GDA: variants seen among roughly 807,000 people sequenced by gnomAD.
The protein encoded by GDA is guanine deaminase.
A neutral mutation model predicts 59.6 loss-of-function variants in GDA; 18 were observed. The ratio of observed to expected loss-of-function variants is 0.30; its 90% CI spans 0.21 to 0.45. GDA has a LOEUF of 0.45. GDA is among the 20% of genes least tolerant of loss of function. GDA has a pLI of 1.00. For missense variants in GDA, 427 were observed against 552.3 expected, an observed-to-expected ratio of 0.77 and a Z score of 2.27; for synonymous variants, 201 against 201.1, an observed-to-expected ratio of 1.00 and a Z score of 0.00.
intron 4 of GDA, among the ~76,000 whole-genome samples, chr9:72,212,992 C>A (rs7034285): frequency 1.3e-5 from 2 of 152,124 alleles, no homozygotes; most frequent in Non-Finnish European, 2.9e-5. Context: ...AACACCCAGC[C>A]AAGCACAGTG....
chr9:72,182,613 A>T (rs903975955), intron 1 of GDA, among the ~76,000 whole-genome samples: 1 of 152,186 alleles, frequency 6.6e-6, no homozygotes, highest in Non-Finnish European at 1.5e-5. Flanking sequence ...CTCTTTGTAA[A>T]ATAAACTTTG....
chr9:72,244,460 T>C (rs900423687), intron 11 of GDA, among the ~76,000 whole-genome samples: 7 of 152,210 alleles, frequency 4.6e-5, no homozygotes, highest in African/African-American at 1.4e-4. Flanking sequence ...GCCTGTGCTC[T>C]ATTTTAGAAG....
At chr9:72,147,702 T>G (rs1169609213), upstream of GDA, among the ~76,000 whole-genome samples, 1 of 152,156 alleles carries the variant, frequency 6.6e-6, no homozygotes, top group African/African-American at 2.4e-5. Flanking sequence ...AAGTAATACA[T>G]CTGTTGGAAA....
chr9:72,213,984 A>C lies in GDA; in HGVS notation c.571A>C (p.Thr191Pro). Residue 191 changes from threonine to proline, a missense_variant, in exon 5 of 14, where the codon ACT (threonine) becomes CCT (proline). Coordinates refer to ENST00000358399, the MANE Select transcript of GDA (RefSeq NM_004293.5). ...KETTEESIKE[T>P]ERFVSEMLQK... Reference sequence around the variant, plus strand: ...GACCACTGAGGAATCGATCAAGGAAACTGAGAGGTAAAAGGCCCATTTGTC... The same window carrying C: ...GACCACTGAGGAATCGATCAAGGAACCTGAGAGGTAAAAGGCCCATTTGTC... 1 of 1,552,578 alleles carries C rather than the reference A, an allele frequency of 6.4e-7. No homozygotes were observed. Among genetic ancestry groups the C allele is most frequent in the Non-Finnish European group, 8.9e-7 (1 of 1,124,034 alleles).
At chr9:72,167,619 G>T (rs1829477478) in intron 1 of GDA, among the ~76,000 whole-genome samples, 1 of 152,094 alleles carries the variant, frequency 6.6e-6, no homozygotes, top group Non-Finnish European at 1.5e-5. Flanking sequence ...TGTGTGATTG[G>T]CATACAGCCT....
chr9:72,249,024 TC>T lies in GDA; in HGVS notation c.*683del, dbSNP rs1372401758. On this transcript the variant is annotated 3_prime_UTR_variant, in exon 14 of 14. Coordinates refer to ENST00000358399, the MANE Select transcript of GDA (RefSeq NM_004293.5). ...TGCTTTCATAATATAGTTTTGTGCT[TC>T]AAAGTGTTTGACAGAAGTTGGGTAT... The T allele has an allele frequency of 1.0e-6, 1 of 985,376 alleles. No homozygotes were observed. Among genetic ancestry groups the T allele is most frequent in the Non-Finnish European group, 1.2e-6 (1 of 829,584 alleles). The allele number at this position is 985,376 out of a possible 1,614,324, so 61.0% of individuals were successfully genotyped here. A position where few individuals can be genotyped will look rare whatever the true frequency, so the allele number is the denominator to read the frequency against.
chr9:72,139,059 C>T (rs1342719041), intron 1 of GDA, among the ~76,000 whole-genome samples: 1 of 152,160 alleles, frequency 6.6e-6, no homozygotes, highest in Non-Finnish European at 1.5e-5. Flanking sequence ...CTAAGAATAT[C>T]TAAAAATATG....
At chr9:72,201,048 A>G (rs762761577) in intron 2 of GDA, among the ~76,000 whole-genome samples, 6 of 152,070 alleles carry the variant, frequency 3.9e-5, no homozygotes, top group Non-Finnish European at 8.8e-5. Flanking sequence ...TGAACATTAC[A>G]TCATCATCAT....
At chr9:72,214,731 TTTC>T (rs1190297929) in intron 5 of GDA, 8 of 339,190 alleles carry the variant, frequency 2.4e-5, no homozygotes, top group East Asian at 2.3e-4. Flanking sequence ...CTTTTTTTTT[TTTC>T]TTTTCTTTTC....
chr9:72,258,800 G>T (rs559875867), downstream of GDA, among the ~76,000 whole-genome samples: 297 of 152,262 alleles, frequency 2.0e-3, 1 homozygote, highest in Middle Eastern at 0.014. Flanking sequence ...TCGGAAGAAA[G>T]AGCCTCACCC....
At chr9:72,214,698 T>C (rs1049421491) in intron 5 of GDA, 26 of 332,250 alleles carry the variant, frequency 7.8e-5, no homozygotes, top group Non-Finnish European at 1.4e-4. Context: ...AAAACCAGGG[T>C]CTATGACTCT....
intron 11 of GDA, among the ~76,000 whole-genome samples, chr9:72,244,804 T>TA (rs1226157639): frequency 6.6e-6 from 1 of 152,098 alleles, no homozygotes; most frequent in African/African-American, 2.4e-5. Context: ...ATAAAGGTAT[T>TA]ATGTTAATCA....
At chr9:72,218,615 G>A (rs1475491553) in intron 5 of GDA, among the ~76,000 whole-genome samples, 1 of 152,168 alleles carries the variant, frequency 6.6e-6, no homozygotes, top group African/African-American at 2.4e-5. Flanking sequence ...AAACTGGTGG[G>A]ATCACTACCA....
At chr9:72,125,105 A>T (rs1367093111) in intron 1 of GDA, among the ~76,000 whole-genome samples, 1 of 152,188 alleles carries the variant, frequency 6.6e-6, no homozygotes, top group Admixed American at 6.5e-5. Context: ...TAAAGACTAC[A>T]TTTACCAGTC....
intron 1 of GDA, among the ~76,000 whole-genome samples, chr9:72,122,029 G>A (rs936578537): frequency 6.6e-6 from 1 of 152,078 alleles, no homozygotes; most frequent in Non-Finnish European, 1.5e-5. Flanking sequence ...CCCCTTATGT[G>A]TTGAGATAGA....
At chr9:72,183,106 G>A (rs1209247710) in intron 1 of GDA, among the ~76,000 whole-genome samples, 2 of 152,150 alleles carry the variant, frequency 1.3e-5, no homozygotes, top group Non-Finnish European at 2.9e-5. Context: ...GTTTTGTGGA[G>A]AATGGTATTT....
chr9:72,230,106 A>G lies in GDA; in HGVS notation c.921-1008A>G, dbSNP rs1342793069. 2.6e-5 allele frequency among the ~76,000 whole-genome samples: 4 copies of G among 152,352 alleles called. No individual in the cohort carries two copies. The East Asian group carries it at 7.7e-4, about 29-fold the overall frequency. On this transcript the variant is annotated intron_variant, in intron 9 of 13. Coordinates refer to ENST00000358399, the MANE Select transcript of GDA (RefSeq NM_004293.5). ...TTATGTATGCACCAGGGCTTTCAAA[A>G]TTAGAGTTATGTGCATCTTCCAGCA...
At chr9:72,140,239 C>T (rs1826391460) in intron 1 of GDA, among the ~76,000 whole-genome samples, 1 of 152,146 alleles carries the variant, frequency 6.6e-6, no homozygotes, top group Admixed American at 6.5e-5. Flanking sequence ...TTTTCTGAAA[C>T]TTTTGGGAAA....
intron 8 of GDA, among the ~76,000 whole-genome samples, chr9:72,227,707 A>G (rs1837771824): frequency 6.6e-6 from 1 of 152,198 alleles, no homozygotes; most frequent in Admixed American, 6.5e-5. Context: ...AACAAAAAGA[A>G]TCTAAGTAAA....
Sources: allele counts gnomAD v4.1 joint callset (sites outside exome capture counted in the v4.1 genomes callset), GRCh38; gene constraint gnomAD v4.1.1; transcripts MANE v1.5; gene names NCBI Gene and HGNC (gene_info 2026-07-23, HGNC 2026-07-21).